GOLGA1: variants seen among roughly 807,000 people sequenced by gnomAD.
GOLGA1 encodes the protein golgin subfamily A member 1.
Under a neutral mutation model 119.7 loss-of-function variants are expected in GOLGA1, and 63 were observed. The observed-to-expected ratio is 0.53, with a 90% CI of 0.43 to 0.65. The LOEUF (loss-of-function observed/expected upper bound fraction) is 0.65. GOLGA1 is among the 30% of genes least tolerant of loss of function. The pLI is 0.00. For missense variants in GOLGA1, 798 were observed against 912.8 expected (o/e 0.87, Z 1.62); for synonymous variants, 318 against 333.4 (o/e 0.95, Z 0.50).
intron 19 of GOLGA1, among the ~76,000 whole-genome samples, chr9:124,887,947 AGGACTGTC>A (rs1023348003): frequency 5.3e-5 from 8 of 152,236 alleles, no homozygotes; most frequent in African/African-American, 1.7e-4. Context: ...TAGACGAAAG[AGGACTGTC>A]GCTATGGCCT....
chr9:124,906,350 G>C (rs1011983495), intron 12 of GOLGA1, among the ~76,000 whole-genome samples: 1 of 151,798 alleles, frequency 6.6e-6, no homozygotes, highest in African/African-American at 2.4e-5. Context: ...AGAATCGCTG[G>C]AACCCAGGAG....
chr9:124,905,726 A>G (rs1830213390), intron 12 of GOLGA1, among the ~76,000 whole-genome samples: 1 of 152,216 alleles, frequency 6.6e-6, no homozygotes, highest in Admixed American at 6.5e-5. Context: ...CAAAAAAATC[A>G]CACAGTAGTA....
chr9:124,903,034 A>T (rs1830143430), intron 12 of GOLGA1, among the ~76,000 whole-genome samples: 1 of 152,228 alleles, frequency 6.6e-6, no homozygotes, highest in Admixed American at 6.5e-5. Flanking sequence ...TCTTCAAGAG[A>T]TTAAAGAAAA....
chr9:124,905,942 G>A (rs1172702107), intron 12 of GOLGA1, among the ~76,000 whole-genome samples: 4 of 150,706 alleles, frequency 2.7e-5, no homozygotes, highest in African/African-American at 4.9e-5. Flanking sequence ...ACAAAACCCC[G>A]TCTCTGCTAA....
intron 10 of GOLGA1, among the ~76,000 whole-genome samples, chr9:124,917,064 C>A (rs1468651674): frequency 6.6e-6 from 1 of 151,672 alleles, no homozygotes; most frequent in Admixed American, 6.6e-5. Context: ...TAGAAAAATA[C>A]CTACAGAATG....
At chr9:124,937,528 G>A (rs1390332671) in intron 3 of GOLGA1, among the ~76,000 whole-genome samples, 1 of 151,996 alleles carries the variant, frequency 6.6e-6, no homozygotes, top group East Asian at 1.9e-4. Flanking sequence ...CTACTTGGGA[G>A]GCTGAGGCAG....
chr9:124,902,396 T>C (rs1271812725), intron 12 of GOLGA1, among the ~76,000 whole-genome samples: 5 of 149,982 alleles, frequency 3.3e-5, no homozygotes, highest in Non-Finnish European at 5.9e-5. Context: ...ACAGGTGTGA[T>C]TCACCGCGCC....
At position 124,900,435 on chromosome 9, in the gene GOLGA1, C is replaced by A; in HGVS notation, c.1161+17G>T. On this transcript the variant is annotated intron_variant, in intron 13 of 22. Transcript: ENST00000373555. ...GCATTAAGGGCCTGGAATGCAGCAGCTCCAATAAGCACTTACGAGCTCCTG... is the reference window on the plus strand; with the variant it reads ...GCATTAAGGGCCTGGAATGCAGCAGATCCAATAAGCACTTACGAGCTCCTG... 8.0e-7 allele frequency: 1 copy of A among 1,257,404 alleles called. No individual in the cohort carries two copies. Among genetic ancestry groups the A allele is most frequent in the Admixed American group, 1.7e-5 (1 of 59,428 alleles). The allele number at this position is 1,257,404 out of a possible 1,614,324, so 77.9% of individuals were successfully genotyped here.
At chr9:124,892,907 G>C (rs915577655) in intron 15 of GOLGA1, among the ~76,000 whole-genome samples, 2 of 150,562 alleles carry the variant, frequency 1.3e-5, no homozygotes, top group Non-Finnish European at 3.0e-5. Flanking sequence ...ACTCCAGCCT[G>C]GGCAACAGGA....
rs192663298 is a variant in GOLGA1 at position 124,899,374 on chromosome 9, C to T, written c.1266G>A (p.Leu422=). Residue 422 remains leucine (L), a synonymous_variant, in exon 14 of 23, where the codon CTG becomes CTA. Transcript: ENST00000373555. Reference sequence around the variant, plus strand: ...TCTGGTCAGCTGCCCGCGTTCTCTCCAGGGCCACTATCTGGGCTTCTAGCG... The same window carrying T: ...TCTGGTCAGCTGCCCGCGTTCTCTCTAGGGCCACTATCTGGGCTTCTAGCG... ...TQALEAQIVA[L]ERTRAADQTT... is the part of the protein sequence containing the mutation. The T allele has an allele frequency of 9.6e-4, 1,484 of 1,549,676 alleles. 2 individuals are homozygous for T. Among genetic ancestry groups the T allele is most frequent in the Non-Finnish European group, 9.9e-4 (1,137 of 1,147,110 alleles).
chr9:124,895,806 GACCCTCCACAACAGAGA>G (rs749896808), intron 15 of GOLGA1, among the ~76,000 whole-genome samples: 6,292 of 140,530 alleles, frequency 0.045, 238 homozygotes, highest in Non-Finnish European at 0.063. Flanking sequence ...CCCCAACAGA[GACCCTCCACAACAGAGA>G]ACCCTCCACA....
At chr9:124,936,643 G>C (rs1830876546) in intron 3 of GOLGA1, among the ~76,000 whole-genome samples, 1 of 151,836 alleles carries the variant, frequency 6.6e-6, no homozygotes, top group Non-Finnish European at 1.5e-5. Context: ...TAGATATGCA[G>C]TCTTGCTATG....
chr9:124,881,094 A>G lies in GOLGA1; in HGVS notation c.2223+77T>C, dbSNP rs1240267511. On this transcript the variant is annotated intron_variant, in intron 22 of 22. Coordinates refer to ENST00000373555, the MANE Select transcript of GOLGA1 (RefSeq NM_002077.4). The surrounding 1 kb of genome is among the most constrained non-coding windows in gnomAD (Gnocchi z 4.9). Reference sequence around the variant, plus strand: ...GTGCCTACACTCGGGTGTGGGTCTAAGGGGTCTTACACTGCTACTGCTGGG... The same window carrying G: ...GTGCCTACACTCGGGTGTGGGTCTAGGGGGTCTTACACTGCTACTGCTGGG... 14 of 828,726 alleles carry G rather than the reference A, an allele frequency of 1.7e-5. No homozygotes were observed. The highest frequency in any genetic ancestry group is 2.8e-5 in the Non-Finnish European group (13 of 464,504). 51.3% of individuals were successfully genotyped at this position (828,726 alleles called of 1,614,324 possible). A position where few individuals can be genotyped will look rare whatever the true frequency, so the allele number is the denominator to read the frequency against.
intron 17 of GOLGA1, 29 bp downstream of exon 17, chr9:124,889,405 G>A: frequency 6.3e-7 from 1 of 1,592,712 alleles, no homozygotes; most frequent in Non-Finnish European, 8.6e-7. Context: ...GAAAAGGAGA[G>A]AAGGCTCAGC....
intron 15 of GOLGA1, among the ~76,000 whole-genome samples, chr9:124,897,738 A>G (rs1830012114): frequency 6.6e-6 from 1 of 152,230 alleles, no homozygotes; most frequent in South Asian, 2.1e-4. Context: ...ATCTGACTCC[A>G]AAGTCCATGC....
At chr9:124,904,306 T>C (rs1316198117) in intron 12 of GOLGA1, among the ~76,000 whole-genome samples, 3 of 152,132 alleles carry the variant, frequency 2.0e-5, no homozygotes, top group Admixed American at 6.5e-5. Flanking sequence ...TACTGTTTAA[T>C]AAGTATAGAG....
At chr9:124,889,326 G>A (rs762758692) in intron 17 of GOLGA1, 23 bp from the exon 18 acceptor site, 6 of 1,611,450 alleles carry the variant, frequency 3.7e-6, no homozygotes, top group East Asian at 2.2e-5. Context: ...GGAGGGGAGG[G>A]GGCACTGTGA....
intron 1 of GOLGA1, chr9:124,947,470 C>A (rs970624962): frequency 1.3e-5 from 2 of 151,854 alleles, no homozygotes; most frequent in African/African-American, 2.4e-5. Context: ...CAAACACAAG[C>A]CTCTCAAAAT....
rs930395847 is a variant in GOLGA1, at chr9:124,882,465, G to A, written c.1965+45C>T. ...TCAGGAGGACCGGGCACAGGCAGCAGGGGGAGTGCTGGGAAGTGGGGCCAG... is the reference window on the plus strand; with the variant it reads ...TCAGGAGGACCGGGCACAGGCAGCAAGGGGAGTGCTGGGAAGTGGGGCCAG... On this transcript the variant is annotated intron_variant, in intron 20 of 22. Coordinates refer to ENST00000373555, the MANE Select transcript of GOLGA1 (RefSeq NM_002077.4). The A allele has an allele frequency of 3.5e-6, 5 of 1,426,488 alleles. No homozygotes were observed. In the African/African-American group the frequency reaches 5.6e-5, roughly 16 times the overall value. The allele number at this position is 1,426,488 out of a possible 1,614,324, so 88.4% of individuals were successfully genotyped here. A position where few individuals can be genotyped will look rare whatever the true frequency, so the allele number is the denominator to read the frequency against.
Sources: gnomAD v4.1 joint callset for allele counts (sites outside exome capture counted in the v4.1 genomes callset) on GRCh38, gnomAD v4.1.1 for gene constraint, Gnocchi (gnomAD v3.1) non-coding constraint, MANE v1.5 for transcripts, NCBI Gene and HGNC (gene_info 2026-07-23, HGNC 2026-07-21) for gene names.